The following RALGAPA2 variants were observed in gnomAD, a reference collection of about 807,000 sequenced individuals.
The protein encoded by RALGAPA2 is Ral GTPase activating protein catalytic subunit alpha 2.
In RALGAPA2, 139 loss-of-function variants were observed where a neutral mutation model predicts 230.4. The ratio of observed to expected loss-of-function variants is 0.60; its 90% confidence interval spans 0.53 to 0.69. The LOEUF is 0.69. Ranked by LOEUF, RALGAPA2 falls within the 30% of genes least tolerant of loss-of-function variation. The probability of loss-of-function intolerance (pLI) is 0.00; values close to 1 mark genes in which losing one functional copy is unlikely to be tolerated. For missense variants in RALGAPA2, 2,163 were observed against 2,276.0 expected, an observed-to-expected ratio of 0.95 and a Z score of 1.01; for synonymous variants, 847 against 837.8, an observed-to-expected ratio of 1.01 and a Z score of -0.19.
chr20:20,484,517 C>T (rs1238657142), intron 36 of RALGAPA2, among the ~76,000 whole-genome samples: 2 of 152,024 alleles, frequency 1.3e-5, no homozygotes, highest in Non-Finnish European at 2.9e-5. Flanking sequence ...AGAGCCTGAG[C>T]CAGACACGGA....
At chr20:20,502,001 G>A (rs544927285) in intron 35 of RALGAPA2, among the ~76,000 whole-genome samples, 81 of 152,112 alleles carry the variant, frequency 5.3e-4, no homozygotes, top group African/African-American at 1.4e-3. Flanking sequence ...AAACAATTAC[G>A]ATAGCAACAT....
chr20:20,572,756 T>C, intron 21 of RALGAPA2, 119 bp downstream of exon 21: 1 of 875,750 alleles, frequency 1.1e-6, no homozygotes, highest in South Asian at 2.7e-5. Context: ...ATGGACTTTG[T>C]CTAAATGTAC....
chr20:20,606,701 A>G (rs903221648), intron 14 of RALGAPA2, among the ~76,000 whole-genome samples: 7 of 151,986 alleles, frequency 4.6e-5, no homozygotes, highest in South Asian at 2.1e-4. Flanking sequence ...CCATCAATGC[A>G]CCTATCACAC....
intron 4 of RALGAPA2, among the ~76,000 whole-genome samples, chr20:20,647,009 A>T (rs2067238060): frequency 6.6e-6 from 1 of 152,118 alleles, no homozygotes; most frequent in South Asian, 2.1e-4. Flanking sequence ...AGAATGTATT[A>T]TAATATTACT....
In RALGAPA2 at chr20:20,524,879, G is replaced by A; in HGVS notation, c.3713C>T (p.Ala1238Val). The change falls in exon 29 of 40, where the codon GCT becomes GTT. Residue 1238 changes from alanine (A) to valine (V), a missense_variant. By Grantham distance (64) the Ala-to-Val change is moderately conservative. Transcript: ENST00000202677. The stretch of plus-strand genomic sequence containing the variant: ...GTACTCTGCACTTGGTAAAAGAAAA[G>A]CAACTGTGGCCACGAGGATCTGCAT... Reference protein sequence around the residue: ...KMAEILVATVAFLLPSAEYSS... With the variant: ...KMAEILVATVVFLLPSAEYSS... 6.2e-7 allele frequency: 1 copy of A among 1,609,636 alleles called. No individual in the cohort carries two copies. The highest frequency in any genetic ancestry group is 8.5e-7 in the Non-Finnish European group (1 of 1,177,902).
At chr20:20,500,312 T>G (rs1178983789) in intron 35 of RALGAPA2, among the ~76,000 whole-genome samples, 1 of 152,228 alleles carries the variant, frequency 6.6e-6, no homozygotes, top group African/African-American at 2.4e-5. Context: ...ACAGTAGAAC[T>G]TCTTTTGAAA....
chr20:20,519,309 C>A (rs1281057146), intron 31 of RALGAPA2, among the ~76,000 whole-genome samples: 1 of 152,118 alleles, frequency 6.6e-6, no homozygotes, highest in Non-Finnish European at 1.5e-5. Context: ...CACCCCCAGT[C>A]CTGTCTTTTT....
intron 10 of RALGAPA2, among the ~76,000 whole-genome samples, chr20:20,629,048 T>C (rs2066583248): frequency 6.6e-6 from 1 of 152,186 alleles, no homozygotes; most frequent in African/African-American, 2.4e-5. Context: ...CAGGAACGGC[T>C]TTCTTCCCAC....
intron 37 of RALGAPA2, chr20:20,472,431 G>A (rs1380742291): frequency 6.5e-6 from 1 of 153,050 alleles, no homozygotes; most frequent in African/African-American, 2.4e-5. Flanking sequence ...ATTTGCTTTG[G>A]TTTCTGGTAG....
intron 1 of RALGAPA2, among the ~76,000 whole-genome samples, chr20:20,711,508 C>T (rs999629102): frequency 1.3e-5 from 2 of 152,154 alleles, no homozygotes; most frequent in African/African-American, 2.4e-5. Flanking sequence ...ATAGCCTAGG[C>T]GAACCAGCTA....
chr20:20,480,762 A>T (rs1013462650), intron 36 of RALGAPA2, among the ~76,000 whole-genome samples: 3 of 152,206 alleles, frequency 2.0e-5, no homozygotes. Flanking sequence ...ATTTAATGGA[A>T]GACAACATCA....
At chr20:20,627,928 G>T (rs2066542634) in intron 10 of RALGAPA2, among the ~76,000 whole-genome samples, 1 of 152,222 alleles carries the variant, frequency 6.6e-6, no homozygotes, top group African/African-American at 2.4e-5. Context: ...AATTACAGCA[G>T]AGACTTGAGC....
chr20:20,411,122 A>G (rs1424842296), intron 38 of RALGAPA2, among the ~76,000 whole-genome samples: 1 of 152,236 alleles, frequency 6.6e-6, no homozygotes, highest in African/African-American at 2.4e-5. Context: ...TTCAGAGACA[A>G]TTGACACAGG....
intron 23 of RALGAPA2, among the ~76,000 whole-genome samples, chr20:20,564,439 T>C (rs1225680008): frequency 1.3e-5 from 2 of 152,244 alleles, no homozygotes. Flanking sequence ...ACTTATTTGG[T>C]CTTCTGCACA....
chr20:20,674,273 CAAG>C (rs2068242297), intron 3 of RALGAPA2, among the ~76,000 whole-genome samples: 1 of 151,458 alleles, frequency 6.6e-6, no homozygotes, highest in African/African-American at 2.4e-5. Context: ...TATTAATACT[CAAG>C]AAGAATCATT....
chr20:20,489,176 A>G (rs1004787137), intron 36 of RALGAPA2, among the ~76,000 whole-genome samples: 1 of 152,220 alleles, frequency 6.6e-6, no homozygotes, highest in Non-Finnish European at 1.5e-5. Flanking sequence ...AGCTATTTTG[A>G]TATCAGCGTC....
intron 24 of RALGAPA2, among the ~76,000 whole-genome samples, chr20:20,543,601 A>G (rs990036276): frequency 5.9e-5 from 9 of 152,146 alleles, no homozygotes; most frequent in Non-Finnish European, 1.0e-4. Context: ...GAAGCTGGAA[A>G]CCATCATTCT....
At chr20:20,677,014 C>A (rs917799122) in intron 2 of RALGAPA2, among the ~76,000 whole-genome samples, 9 of 152,164 alleles carry the variant, frequency 5.9e-5, no homozygotes, top group African/African-American at 2.2e-4. Context: ...GACCCCTGAT[C>A]TAACTGAATC....
rs1317579937 is a variant in RALGAPA2 at position 20,513,244 on chromosome 20, A to C, written c.4125T>G (p.Ala1375=). The change falls in exon 32 of 40, where the codon GCT becomes GCG. Residue 1375 remains alanine, a synonymous_variant. Coordinates refer to ENST00000202677, the MANE Select transcript of RALGAPA2 (RefSeq NM_020343.4). The part of the protein sequence containing the change: ...RRSLELIPLT[A]RMVMAHLVNH... ...TCACCAGGTGGGCCATCACCATTCGAGCAGTCAAAGGGATCAACTCCAAAC... is the reference window on the plus strand; with the variant it reads ...TCACCAGGTGGGCCATCACCATTCGCGCAGTCAAAGGGATCAACTCCAAAC... The C allele has an allele frequency of 6.6e-7, 1 of 1,504,502 alleles. No homozygotes were observed. Among genetic ancestry groups the C allele is most frequent in the Non-Finnish European group, 8.9e-7 (1 of 1,128,498 alleles). 93.2% of individuals were successfully genotyped at this position (1,504,502 alleles called of 1,614,324 possible). A position where few individuals can be genotyped will look rare whatever the true frequency, so the allele number is the denominator to read the frequency against.
Sources: allele counts gnomAD v4.1 joint callset (sites outside exome capture counted in the v4.1 genomes callset), GRCh38; gene constraint gnomAD v4.1.1; transcripts MANE v1.5; gene names NCBI Gene and HGNC (gene_info 2026-07-23, HGNC 2026-07-21).